The following EIF3I variants were observed in gnomAD, a reference collection of about 807,000 sequenced individuals.
The protein encoded by EIF3I is TGF-beta receptor-interacting protein 1.
In EIF3I, 20 loss-of-function variants were observed where a neutral mutation model predicts 43.3. That is an observed-to-expected ratio of 0.46 (90% CI 0.32 to 0.67). The LOEUF is 0.67. Ranked by LOEUF, EIF3I falls within the 30% of genes least tolerant of loss-of-function variation. The pLI is 0.03. For missense variants in EIF3I, 279 were observed against 421.4 expected, an observed-to-expected ratio of 0.66 and a Z score of 2.96; for synonymous variants, 167 against 151.7, an observed-to-expected ratio of 1.10 and a Z score of -0.74.
downstream of EIF3I, chr1:32,231,486 C>A: frequency 8.5e-6 from 2 of 234,128 alleles, no homozygotes; most frequent in Non-Finnish European, 1.7e-5. Context: ...AGCAAAACTC[C>A]GTCTCAAAAA....
At chr1:32,230,959 G>T in exon 11 of EIF3I, 1 of 1,596,456 alleles carries the variant, frequency 6.3e-7, no homozygotes, top group Non-Finnish European at 8.5e-7. Flanking sequence ...GAAGAGTTTG[G>T]AAGAGTCAAG....
chr1:32,227,301 TTAA>T (rs1397401290), intron 6 of EIF3I, among the ~76,000 whole-genome samples: 1 of 143,662 alleles, frequency 7.0e-6, no homozygotes, highest in Admixed American at 6.9e-5. Context: ...AAAAAAAAAG[TTAA>T]TAAAAAATTT....
chr1:32,235,559 T>G (rs1227746716), downstream of EIF3I, among the ~76,000 whole-genome samples: 2 of 152,168 alleles, frequency 1.3e-5, no homozygotes, highest in Non-Finnish European at 2.9e-5. Flanking sequence ...GACCTTGTGA[T>G]CCGCCCACCT....
chr1:32,233,194 AC>A (rs1639261919), downstream of EIF3I, among the ~76,000 whole-genome samples: 6 of 151,568 alleles, frequency 4.0e-5, no homozygotes. Context: ...TTGCTCTGAC[AC>A]CTAGGCTGGA....
chr1:32,226,589 T>TA (rs2124263316), intron 6 of EIF3I, 59 bp downstream of exon 6: 1 of 1,388,984 alleles, frequency 7.2e-7, no homozygotes, highest in East Asian at 2.6e-5. Flanking sequence ...TTTTTTAAGA[T>TA]AGAGTCTCTC....
At chr1:32,230,460 G>C (rs573333322) in intron 10 of EIF3I, among the ~76,000 whole-genome samples, 2 of 151,512 alleles carry the variant, frequency 1.3e-5, no homozygotes, top group South Asian at 4.2e-4. Context: ...GGCCTCAAGT[G>C]ATCCACCCGC....
At chr1:32,226,824 CTTTTTT>C (rs1216197071) in intron 6 of EIF3I, among the ~76,000 whole-genome samples, 3 of 78,622 alleles carry the variant, frequency 3.8e-5, no homozygotes, top group African/African-American at 1.6e-4. Flanking sequence ...CCGCTCGTGG[CTTTTTT>C]TTTTTTTTTT....
At chr1:32,222,407 A>T (rs1639022030) in exon 1 of EIF3I, 10 of 1,585,162 alleles carry the variant, frequency 6.3e-6, no homozygotes, top group Non-Finnish European at 8.6e-6. Flanking sequence ...TTCCGGTCTT[A>T]CTCACGTTGC....
chr1:32,226,824 C>CTTTTT (rs1216197071), intron 6 of EIF3I, among the ~76,000 whole-genome samples: 1 of 78,622 alleles, frequency 1.3e-5, no homozygotes, highest in Non-Finnish European at 2.3e-5. Context: ...CCGCTCGTGG[C>CTTTTT]TTTTTTTTTT....
downstream of EIF3I, chr1:32,231,354 G>C (rs1187342107): frequency 1.2e-5 from 7 of 604,820 alleles, no homozygotes; most frequent in Non-Finnish European, 2.0e-5. Flanking sequence ...AGCCAGGCAT[G>C]GTGGCACACG....
chr1:32,228,123 C>T (rs986421538), intron 6 of EIF3I, among the ~76,000 whole-genome samples: 3 of 152,216 alleles, frequency 2.0e-5, no homozygotes, highest in African/African-American at 7.2e-5. Flanking sequence ...ATGGAGTCTT[C>T]AGAAACCCTT....
At chr1:32,233,337 G>A (rs931361483), downstream of EIF3I, among the ~76,000 whole-genome samples, 31 of 152,226 alleles carry the variant, frequency 2.0e-4, no homozygotes, top group African/African-American at 7.5e-4. Context: ...TGTATTTTTA[G>A]TAGGCAGGGG....
chr1:32,232,991 C>CTTA (rs905787518), downstream of EIF3I, among the ~76,000 whole-genome samples: 1 of 152,004 alleles, frequency 6.6e-6, no homozygotes, highest in South Asian at 2.1e-4. Context: ...CTTTTATTTA[C>CTTA]TTATTTATTT....
intron 9 of EIF3I, among the ~76,000 whole-genome samples, chr1:32,229,732 G>A (rs1639205881): frequency 6.6e-6 from 1 of 151,324 alleles, no homozygotes; most frequent in South Asian, 2.1e-4. Context: ...TGTATTTTTA[G>A]TAGAGACAGG....
At chr1:32,222,852 T>C (rs994278712) in intron 2 of EIF3I, among the ~76,000 whole-genome samples, 3 of 152,158 alleles carry the variant, frequency 2.0e-5, no homozygotes, top group African/African-American at 7.2e-5. Context: ...ATCCCAGCAC[T>C]TTGAGAGGCC....
At chr1:32,225,174 C>T (rs1042408326) in intron 4 of EIF3I, among the ~76,000 whole-genome samples, 3 of 152,030 alleles carry the variant, frequency 2.0e-5, no homozygotes, top group African/African-American at 7.2e-5. Context: ...CAGGGTTTCA[C>T]CATGTTGGCC....
intron 10 of EIF3I, among the ~76,000 whole-genome samples, chr1:32,230,714 C>T (rs570556181): frequency 2.0e-5 from 3 of 152,252 alleles, no homozygotes; most frequent in South Asian, 4.1e-4. Context: ...ATCCCAACCA[C>T]TCAGGAGGCT....
chr1:32,229,302 C>A, intron 9 of EIF3I, 94 bp downstream of exon 9: 1 of 1,365,020 alleles, frequency 7.3e-7, no homozygotes, highest in Non-Finnish European at 1.0e-6. Flanking sequence ...GCTCTGTCGC[C>A]TAGGCTGGAG....
chr1:32,231,784 A>C (rs1403847107), downstream of EIF3I: 1 of 153,088 alleles, frequency 6.5e-6, no homozygotes, highest in African/African-American at 2.4e-5. Context: ...AAAGGTCCTA[A>C]GGGGCCTGCA....
Sources: gnomAD v4.1 joint callset for allele counts (sites outside exome capture counted in the v4.1 genomes callset) on GRCh38, gnomAD v4.1.1 for gene constraint, MANE v1.5 for transcripts, NCBI Gene and HGNC (gene_info 2026-07-23, HGNC 2026-07-21) for gene names.